GTF2I: variants seen among roughly 807,000 people sequenced by gnomAD.
GTF2I encodes the protein general transcription factor II-I.
GTF2I carries 12 observed loss-of-function variants against 67.6 expected under a neutral mutation model. That is an observed-to-expected ratio of 0.18 (90% CI 0.11 to 0.29). GTF2I has a LOEUF of 0.29. Among genes scored for constraint, GTF2I ranks in the 10% least tolerant of loss-of-function variants. The pLI is 1.00. For synonymous variants in GTF2I, 149 were observed against 197.0 expected (o/e 0.76, Z 2.04); for missense variants, 271 against 580.1 (o/e 0.47, Z 5.47).
chr7:74,659,106 G>A (rs1804234060), intron 1 of GTF2I, among the ~76,000 whole-genome samples: 1 of 152,078 alleles, frequency 6.6e-6, no homozygotes, highest in African/African-American at 2.4e-5. Flanking sequence ...AATTATTTGT[G>A]GAGATGCGTT....
At chr7:74,658,248 C>T (rs1440852136) in intron 1 of GTF2I, among the ~76,000 whole-genome samples, 180 bp downstream of exon 1, 1 of 150,174 alleles carries the variant, frequency 6.7e-6, no homozygotes, top group Non-Finnish European at 1.5e-5. Context: ...CCCCCTACCC[C>T]CACCCCCACC....
intron 1 of GTF2I, among the ~76,000 whole-genome samples, chr7:74,677,210 G>T (rs1487099353): frequency 6.6e-6 from 1 of 152,130 alleles, no homozygotes; most frequent in African/African-American, 2.4e-5. Context: ...TTAGACTAAA[G>T]TCAGCTGATT....
rs587719257 is a variant in GTF2I at position 74,711,704 on chromosome 7, G to A, written c.763+595G>A. On this transcript the variant is annotated intron_variant, in intron 9 of 34. Coordinates refer to ENST00000573035, the MANE Select transcript of GTF2I (RefSeq NM_032999.4). ...AAAATGTGGACTATTTTCATGGGCC[G>A]GGGAGCAGTGTGGCTTCTTTCATTT... Among the ~76,000 whole-genome samples the A allele has an allele frequency of 3.7e-4, 56 of 152,242 alleles. 1 individual carries two copies. In the South Asian group the frequency reaches 6.2e-3, roughly 17 times the overall value.
intron 9 of GTF2I, among the ~76,000 whole-genome samples, chr7:74,712,748 C>A (rs1005033182): frequency 6.7e-6 from 1 of 149,762 alleles, no homozygotes; most frequent in Non-Finnish European, 1.5e-5. Flanking sequence ...ATTGCAACCT[C>A]CGCTTGCCGG....
chr7:74,708,712 G>T (rs1554401997), intron 8 of GTF2I, among the ~76,000 whole-genome samples: 1 of 152,176 alleles, frequency 6.6e-6, no homozygotes, highest in Non-Finnish European at 1.5e-5. Context: ...CAGCTGCTAT[G>T]CAGAGCTCAA....
chr7:74,725,310 A>G (rs587749412), intron 12 of GTF2I, among the ~76,000 whole-genome samples: 12 of 152,320 alleles, frequency 7.9e-5, no homozygotes, highest in African/African-American at 2.4e-4. Context: ...CATGTTCCAT[A>G]TGACTTAAAA....
intron 10 of GTF2I, among the ~76,000 whole-genome samples, chr7:74,715,510 A>G (rs1554403447): frequency 6.6e-6 from 1 of 152,070 alleles, no homozygotes; most frequent in African/African-American, 2.4e-5. Flanking sequence ...TACACGAACA[A>G]TCATCTTAAC....
rs587681941 is a variant in GTF2I, at chr7:74,686,105, G to A, written c.-5-3019G>A. Among the ~76,000 whole-genome samples, 3 of 152,318 alleles carry A rather than the reference G, an allele frequency of 2.0e-5. No homozygotes were observed. The East Asian group carries it at 5.8e-4, about 29-fold the overall frequency. On this transcript the variant is annotated intron_variant, in intron 1 of 34. Transcript: ENST00000573035. ...GCAACCAATCAGAGGCTGAAGTGAA[G>A]TTACAATGTTACACTCCTGTGCAAA...
At chr7:74,672,476 T>C (rs1805547418) in intron 1 of GTF2I, among the ~76,000 whole-genome samples, 1 of 151,662 alleles carries the variant, frequency 6.6e-6, no homozygotes, top group African/African-American at 2.4e-5. Context: ...GAAAGCAGAG[T>C]TTCCAGTGAG....
chr7:74,660,992 G>A (rs1269859195), intron 1 of GTF2I, among the ~76,000 whole-genome samples: 1 of 152,138 alleles, frequency 6.6e-6, no homozygotes, highest in African/African-American at 2.4e-5. Context: ...TGAGCGCTTT[G>A]GATGTACAGT....
chr7:74,699,378 C>T (rs782387730), intron 4 of GTF2I: 6 of 166,314 alleles, frequency 3.6e-5, no homozygotes, highest in Non-Finnish European at 6.4e-5. Context: ...CTGCAATCTC[C>T]GCCTCCCGGT....
chr7:74,681,710 G>A (rs782414686), intron 1 of GTF2I, among the ~76,000 whole-genome samples: 2 of 152,142 alleles, frequency 1.3e-5, no homozygotes, highest in Non-Finnish European at 2.9e-5. Context: ...TCAGAAGTTC[G>A]AGACCAGCCT....
intron 8 of GTF2I, among the ~76,000 whole-genome samples, chr7:74,707,239 G>A (rs1422159415): frequency 1.3e-5 from 2 of 152,214 alleles, no homozygotes; most frequent in Admixed American, 1.3e-4. Flanking sequence ...GTGTTATCCT[G>A]TGTCCTAGTG....
intron 1 of GTF2I, among the ~76,000 whole-genome samples, chr7:74,658,412 T>TG (rs1212108703): frequency 3.6e-5 from 5 of 137,030 alleles, no homozygotes; most frequent in Admixed American, 1.4e-4. Flanking sequence ...CGGCGTGCGG[T>TG]GGGGGGGCGC....
chr7:74,681,764 TAGTC>T (rs1787294303), intron 1 of GTF2I, among the ~76,000 whole-genome samples: 1 of 152,060 alleles, frequency 6.6e-6, no homozygotes, highest in Non-Finnish European at 1.5e-5. Flanking sequence ...ATACAAAAAT[TAGTC>T]AGACGTGGTG....
chr7:74,723,155 G>A (rs1476925583), intron 12 of GTF2I, among the ~76,000 whole-genome samples: 1 of 131,962 alleles, frequency 7.6e-6, no homozygotes, highest in African/African-American at 2.8e-5. Context: ...ACGGAGTTTC[G>A]CTCTGTCGCC....
At chr7:74,725,982 C>A (rs587666895) in intron 12 of GTF2I, among the ~76,000 whole-genome samples, 30 of 152,182 alleles carry the variant, frequency 2.0e-4, no homozygotes, top group South Asian at 1.0e-3. Flanking sequence ...GTCTTCCCTT[C>A]CCCTGGGCCT....
chr7:74,717,885 T>C (rs890036018), intron 11 of GTF2I, among the ~76,000 whole-genome samples: 6 of 152,242 alleles, frequency 3.9e-5, no homozygotes, highest in African/African-American at 1.4e-4. Flanking sequence ...ACTGATATGC[T>C]CATTGTAAAC....
At chr7:74,707,620 CTGTT>C (rs1425785704) in intron 8 of GTF2I, among the ~76,000 whole-genome samples, 2 of 152,172 alleles carry the variant, frequency 1.3e-5, no homozygotes, top group South Asian at 2.1e-4. Flanking sequence ...GTCTTTTACA[CTGTT>C]TGCTGGTTTT....
Sources: gnomAD v4.1 joint callset for allele counts (sites outside exome capture counted in the v4.1 genomes callset) on GRCh38, gnomAD v4.1.1 for gene constraint, MANE v1.5 for transcripts, NCBI Gene and HGNC (gene_info 2026-07-23, HGNC 2026-07-21) for gene names.